Variants in DSCAM observed in about 807,000 individuals in gnomAD.
DSCAM encodes the protein DS cell adhesion molecule, also known as cell adhesion molecule DSCAM.
In DSCAM, 47 loss-of-function variants were observed where a neutral mutation model predicts 217.7. The observed-to-expected ratio is 0.22, with a 90% CI of 0.17 to 0.28. The LOEUF (loss-of-function observed/expected upper bound fraction) is 0.28, where lower values mean the gene tolerates loss of function less well. Ranked by LOEUF, DSCAM falls within the 10% of genes least tolerant of loss-of-function variation. The probability of loss-of-function intolerance (pLI) is 1.00; values close to 1 mark genes in which losing one functional copy is unlikely to be tolerated. For missense variants in DSCAM, 2,080 were observed against 2,618.3 expected, an observed-to-expected ratio of 0.79 and a Z score of 4.49; for synonymous variants, 1,056 against 1,015.3, an observed-to-expected ratio of 1.04 and a Z score of -0.76.
chr21:40,187,390 A>C, intron 13 of DSCAM, 131 bp from the exon 14 acceptor site: 1 of 1,238,236 alleles, frequency 8.1e-7, no homozygotes, highest in Non-Finnish European at 1.1e-6. Context: ...TTTATTTGGA[A>C]GCATTTTCTT....
At position 40,271,303 on chromosome 21, in the gene DSCAM, G is replaced by A. The variant is rs9979819; in HGVS notation, c.2356+4794C>T. On this transcript the variant is annotated intron_variant, in intron 11 of 32. Coordinates refer to ENST00000400454, the MANE Select transcript of DSCAM (RefSeq NM_001389.5). ...AGAGTAACTGACTCTCCAGGGAAGC[G>A]CCTGTTCCTGTTTGATAAGCGGTGC... Among the ~76,000 whole-genome samples, 1,275 of 152,304 alleles carry A rather than the reference G, an allele frequency of 8.4e-3. 9 individuals are homozygous for A. The highest frequency in any genetic ancestry group is 0.015 in the African/African-American group (609 of 41,568).
At chr21:40,433,174 C>A (rs1254415934) in intron 3 of DSCAM, among the ~76,000 whole-genome samples, 2 of 151,782 alleles carry the variant, frequency 1.3e-5, no homozygotes, top group Admixed American at 1.3e-4. Flanking sequence ...CTGGCCAACA[C>A]GGTGAAACCC....
At chr21:40,541,490 T>C (rs1343972281) in intron 3 of DSCAM, among the ~76,000 whole-genome samples, 1 of 152,220 alleles carries the variant, frequency 6.6e-6, no homozygotes, top group Non-Finnish European at 1.5e-5. Context: ...GTCTGTACCA[T>C]TTATTCTGGT....
intron 15 of DSCAM, among the ~76,000 whole-genome samples, chr21:40,171,994 T>C (rs950210106): frequency 9.2e-5 from 14 of 152,176 alleles, no homozygotes; most frequent in Non-Finnish European, 1.5e-5. Flanking sequence ...TCAAATGTAA[T>C]ATATAGAAAA....
chr21:40,188,785 C>CTTTTT (rs35605811), intron 12 of DSCAM, among the ~76,000 whole-genome samples: 85 of 141,528 alleles, frequency 6.0e-4, no homozygotes, highest in African/African-American at 2.2e-3. Context: ...TTATTTCTCA[C>CTTTTT]TTTTTTTTTT....
chr21:40,757,565 C>T (rs1326054302), intron 1 of DSCAM, among the ~76,000 whole-genome samples: 1 of 152,182 alleles, frequency 6.6e-6, no homozygotes, highest in Non-Finnish European at 1.5e-5. Flanking sequence ...AGGGCATGAG[C>T]ATTGTGGCTT....
chr21:40,423,376 A>G (rs1380784470), intron 3 of DSCAM, among the ~76,000 whole-genome samples: 3 of 152,216 alleles, frequency 2.0e-5, no homozygotes, highest in South Asian at 2.1e-4. Context: ...GAGAACATGT[A>G]TGTAAACGGT....
intron 9 of DSCAM, 150 bp downstream of exon 9, chr21:40,311,931 G>GTTTTTT: frequency 4.0e-6 from 2 of 496,982 alleles, no homozygotes; most frequent in Non-Finnish European, 3.1e-6. Context: ...GTTTAGAGTC[G>GTTTTTT]TATTTTTTTT....
intron 20 of DSCAM, among the ~76,000 whole-genome samples, chr21:40,099,234 C>T (rs2089720344): frequency 6.6e-6 from 1 of 152,168 alleles, no homozygotes; most frequent in Non-Finnish European, 1.5e-5. Context: ...CCAAAACACA[C>T]ACTTTAATTT....
In DSCAM at chr21:40,076,040, TACA is replaced by T. The variant is rs1344200256; in HGVS notation, c.4712-830_4712-828del. ...GCTCCACGCCACTGCACTTTCCATG[TACA>T]ACAAGGGCCAGAAAGTCAGCACTTC... On this transcript the variant is annotated intron_variant, in intron 26 of 32. Transcript: ENST00000400454. Among the ~76,000 whole-genome samples the T allele has an allele frequency of 2.0e-5, 3 of 152,188 alleles. No homozygotes were observed. The East Asian group carries it at 5.8e-4, about 29-fold the overall frequency.
At position 40,347,541 on chromosome 21, in the gene DSCAM, G is replaced by A. The variant is rs893632370; in HGVS notation, c.1210+129C>T. The A allele has an allele frequency of 1.5e-5, 18 of 1,237,324 alleles. No individual in the cohort carries two copies. In the Admixed American group the frequency reaches 2.4e-4, roughly 16 times the overall value. The allele number at this position is 1,237,324 out of a possible 1,614,324, so 76.6% of individuals were successfully genotyped here. On this transcript the variant is annotated intron_variant, in intron 6 of 32. Transcript: ENST00000400454. ...TGATTTAGCTTGAAAAATTAGGGTA[G>A]AGTACTAGCTGGTGAGACAGAGAGC...
At chr21:40,624,957 T>G (rs1019271397) in intron 3 of DSCAM, among the ~76,000 whole-genome samples, 2 of 152,220 alleles carry the variant, frequency 1.3e-5, no homozygotes, top group African/African-American at 4.8e-5. Context: ...GCTTTTATAA[T>G]CTAAGAGTAT....
intron 3 of DSCAM, among the ~76,000 whole-genome samples, chr21:40,558,228 C>T (rs993481259): frequency 2.0e-5 from 3 of 152,010 alleles, no homozygotes; most frequent in Non-Finnish European, 4.4e-5. Flanking sequence ...GGGCAGATTA[C>T]GAGGTCAGGA....
chr21:40,101,066 G>A (rs950475775), intron 20 of DSCAM, among the ~76,000 whole-genome samples: 3 of 152,182 alleles, frequency 2.0e-5, no homozygotes, highest in Non-Finnish European at 4.4e-5. Context: ...CATCCCCCAT[G>A]TCCCTGAACC....
intron 1 of DSCAM, among the ~76,000 whole-genome samples, chr21:40,757,314 C>T (rs1439477772): frequency 3.3e-5 from 5 of 152,190 alleles, no homozygotes; most frequent in Admixed American, 2.0e-4. Flanking sequence ...CGTAAGCCAT[C>T]GTGCCCAGCC....
chr21:40,281,337 TA>T lies in DSCAM; in HGVS notation c.2183-5068del, dbSNP rs573068587. Among the ~76,000 whole-genome samples the T allele has an allele frequency of 3.9e-3, 601 of 152,332 alleles. 7 individuals carry two copies. Among genetic ancestry groups the T allele is most frequent in the African/African-American group, 0.014 (575 of 41,578 alleles). ...AAGCAAACAACATTGTTGTGCTTTC[TA>T]ACATTCTCTTTTTAATTATTTAATA... On this transcript the variant is annotated intron_variant, in intron 10 of 32. Transcript: ENST00000400454.
chr21:40,563,628 TTA>T (rs1293004490), intron 3 of DSCAM, among the ~76,000 whole-genome samples: 26 of 146,672 alleles, frequency 1.8e-4, no homozygotes, highest in South Asian at 4.3e-4. Context: ...TTATATATAG[TTA>T]TATGTGTATA....
chr21:40,167,574 G>T (rs2090611402), intron 15 of DSCAM, among the ~76,000 whole-genome samples: 2 of 152,186 alleles, frequency 1.3e-5, no homozygotes, highest in Admixed American at 1.3e-4. Flanking sequence ...TGAACAAGGG[G>T]TACAACAGAA....
At chr21:40,586,983 GAGC>G (rs1447266412) in intron 3 of DSCAM, among the ~76,000 whole-genome samples, 2 of 151,942 alleles carry the variant, frequency 1.3e-5, no homozygotes, top group African/African-American at 4.8e-5. Flanking sequence ...AAATAAAGAA[GAGC>G]AGATGAGTAA....
Sources: allele counts gnomAD v4.1 joint callset (sites outside exome capture counted in the v4.1 genomes callset), GRCh38; gene constraint gnomAD v4.1.1; transcripts MANE v1.5; gene names NCBI Gene and HGNC (gene_info 2026-07-23, HGNC 2026-07-21).